The following RTTN variants were observed in gnomAD, a reference collection of about 807,000 sequenced individuals.
RTTN encodes rotatin.
A neutral mutation model predicts 269.2 loss-of-function variants in RTTN; 182 were observed. The ratio of observed to expected loss-of-function variants is 0.68; its 90% CI spans 0.60 to 0.76. The LOEUF (loss-of-function observed/expected upper bound fraction) is 0.76. Ranked by LOEUF, RTTN falls within the 30% of genes least tolerant of loss-of-function variation. RTTN has a pLI of 0.00. For synonymous variants in RTTN, 1,006 were observed against 963.5 expected (o/e 1.04, Z -0.82); for missense variants, 2,545 against 2,608.6 (o/e 0.98, Z 0.53).
At position 70,003,271 on chromosome 18, in the gene RTTN, T is replaced by A. The variant is rs749171032; in HGVS notation, c.*880A>T. The A allele has an allele frequency of 3.3e-5, 5 of 152,142 alleles. No individual in the cohort carries two copies. The highest frequency in any genetic ancestry group is 7.3e-5 in the Non-Finnish European group (5 of 68,080). 9.4% of individuals were successfully genotyped at this position (152,142 alleles called of 1,614,324 possible). A position where few individuals can be genotyped will look rare whatever the true frequency, so the allele number is the denominator to read the frequency against. On this transcript the variant is annotated 3_prime_UTR_variant, in exon 49 of 49. Coordinates refer to ENST00000640769, the MANE Select transcript of RTTN (RefSeq NM_173630.4). ...CCAAGCTGGTCTCAAACTCCTGGCC[T>A]CAAGTGATCCACCTACCTCGGTCTC...
At chr18:70,070,960 T>C (rs1236623092) in intron 34 of RTTN, among the ~76,000 whole-genome samples, 1 of 152,180 alleles carries the variant, frequency 6.6e-6, no homozygotes, top group African/African-American at 2.4e-5. Flanking sequence ...CCCATTTCAG[T>C]GGCCACTTCC....
chr18:70,051,015 C>G lies in RTTN; in HGVS notation c.5323+396G>C, dbSNP rs144075344. ...TCGGTTGATAGGTGCAGCAAACCACCATGGCACATGTATTCCTATGTAAAA... is the reference window on the plus strand; with the variant it reads ...TCGGTTGATAGGTGCAGCAAACCACGATGGCACATGTATTCCTATGTAAAA... On this transcript the variant is annotated intron_variant, in intron 39 of 48. Coordinates refer to ENST00000640769, the MANE Select transcript of RTTN (RefSeq NM_173630.4). 4.9e-3 allele frequency among the ~76,000 whole-genome samples: 749 copies of G among 152,206 alleles called. 5 individuals carry two copies. The highest frequency in any genetic ancestry group is 0.017 in the African/African-American group (702 of 41,522).
At chr18:70,185,599 A>G (rs73468411) in intron 10 of RTTN, among the ~76,000 whole-genome samples, 120 of 152,292 alleles carry the variant, frequency 7.9e-4, no homozygotes, top group African/African-American at 2.7e-3. Flanking sequence ...CATCCATCCA[A>G]CATTATACTA....
At chr18:70,205,036 C>T in intron 2 of RTTN, 92 bp downstream of exon 2, 2 of 1,310,096 alleles carry the variant, frequency 1.5e-6, no homozygotes, top group Non-Finnish European at 2.1e-6. Flanking sequence ...ACTTTTAACC[C>T]CAATTATTTA....
intron 44 of RTTN, 28 bp from the exon 45 acceptor site, chr18:70,020,845 T>C (rs761419891): frequency 1.3e-6 from 2 of 1,573,464 alleles, no homozygotes; most frequent in African/African-American, 2.7e-5. Flanking sequence ...TATCACAATG[T>C]CTTCTCAGTT....
At chr18:70,110,161 C>A (rs1204333493) in intron 27 of RTTN, among the ~76,000 whole-genome samples, 2 of 151,466 alleles carry the variant, frequency 1.3e-5, no homozygotes, top group Non-Finnish European at 2.9e-5. Flanking sequence ...AGCCCTGGAG[C>A]TTGAGGTTAC....
Position 70,134,524 on chromosome 18 carries a change from T to C in RTTN, c.2903A>G (p.Asn968Ser). 1.9e-6 allele frequency: 3 copies of C among 1,610,286 alleles called. No homozygotes were observed. The highest frequency in any genetic ancestry group is 1.7e-4 in the Middle Eastern group (1 of 6,046). ...RMDMWSVNPS[N>S]KPSLPSVFSL... ...GAAGACCGATGGCAAAGAAGGTTTATTGGAAGGATTAACAGACCTATTTCA... is the reference window on the plus strand; with the variant it reads ...GAAGACCGATGGCAAAGAAGGTTTACTGGAAGGATTAACAGACCTATTTCA... Residue 968 changes from asparagine to serine, a missense_variant, in exon 23 of 49, where the codon AAT (asparagine) becomes AGT (serine). Transcript: ENST00000640769.
At chr18:70,035,024 T>C (rs1282374895) in intron 40 of RTTN, among the ~76,000 whole-genome samples, 1 of 152,108 alleles carries the variant, frequency 6.6e-6, no homozygotes, top group Non-Finnish European at 1.5e-5. Context: ...GAAAGATCTC[T>C]ACAAGGAGAA....
chr18:70,152,932 T>C (rs1057072384), intron 14 of RTTN, among the ~76,000 whole-genome samples: 6 of 152,340 alleles, frequency 3.9e-5, no homozygotes, highest in African/African-American at 1.2e-4. Flanking sequence ...ATACAATTCA[T>C]AGCTTTATAA....
chr18:70,010,824 AATAG>A (rs774187985), intron 46 of RTTN, among the ~76,000 whole-genome samples: 3 of 152,192 alleles, frequency 2.0e-5, no homozygotes, highest in Non-Finnish European at 4.4e-5. Context: ...AGATTAACAA[AATAG>A]ATAGACCACT....
chr18:70,138,310 T>C (rs1270406060), intron 21 of RTTN: 1 of 152,118 alleles, frequency 6.6e-6, no homozygotes, highest in African/African-American at 2.4e-5. Context: ...AGTAAAATTT[T>C]TCCTGAAACT....
chr18:70,186,422 T>C (rs890796999), intron 10 of RTTN, among the ~76,000 whole-genome samples: 3 of 152,198 alleles, frequency 2.0e-5, no homozygotes, highest in Admixed American at 2.0e-4. Context: ...AAAACCTATC[T>C]ATGATGCCAA....
Position 70,091,536 on chromosome 18 carries a change from A to C in RTTN, c.4143+574T>G, listed in dbSNP as rs1218979934. On this transcript the variant is annotated intron_variant, in intron 30 of 48. Transcript: ENST00000640769. The stretch of plus-strand genomic sequence containing the variant: ...AGAAGGCAGCCGTCTACAAGCCAGA[A>C]GAAGAGCCCTCACCAGAACTTGACT... The C allele has an allele frequency of 2.6e-5, 4 of 152,478 alleles. No homozygotes were observed. The East Asian group carries it at 7.7e-4, about 29-fold the overall frequency. 9.4% of individuals were successfully genotyped at this position (152,478 alleles called of 1,614,324 possible). A position where few individuals can be genotyped will look rare whatever the true frequency, so the allele number is the denominator to read the frequency against.
chr18:70,061,081 T>C (rs1489496168), intron 35 of RTTN, among the ~76,000 whole-genome samples: 2 of 152,146 alleles, frequency 1.3e-5, no homozygotes, highest in Non-Finnish European at 2.9e-5. Flanking sequence ...ATCTCGTCGA[T>C]ATACTTTTTT....
intron 45 of RTTN, among the ~76,000 whole-genome samples, chr18:70,018,513 C>A (rs2056607732): frequency 6.6e-6 from 1 of 152,162 alleles, no homozygotes. Flanking sequence ...TAAATCTACT[C>A]CAGTTTATCT....
rs181334737 is a variant in RTTN, at chr18:70,179,538, C to T, written c.1306-2693G>A. Among the ~76,000 whole-genome samples the T allele has an allele frequency of 4.9e-3, 753 of 152,202 alleles. 5 individuals are homozygous for T. The highest frequency in any genetic ancestry group is 0.017 in the African/African-American group (721 of 41,518). On this transcript the variant is annotated intron_variant, in intron 10 of 48. Transcript: ENST00000640769. ...TTGAAAAACAATAGTAACTGGCCCA[C>T]ATTTTTTAATTCTTTGGGCTAAAGA... is the stretch of plus-strand genomic sequence containing the variant.
chr18:70,104,210 CT>C (rs1366073523), intron 28 of RTTN, among the ~76,000 whole-genome samples: 1 of 152,130 alleles, frequency 6.6e-6, no homozygotes, highest in African/African-American at 2.4e-5. Flanking sequence ...TTTCTCTAAA[CT>C]TCTCTTCTCG....
Position 70,145,596 on chromosome 18 carries a change from C to A in RTTN, c.2481+16G>T. ...TCAAATTACCACACAGTAATAAACT[C>A]AAAATTTATAGTCACCTTAATAACC... On this transcript the variant is annotated intron_variant, in intron 18 of 48. Coordinates refer to ENST00000640769, the MANE Select transcript of RTTN (RefSeq NM_173630.4). The A allele has an allele frequency of 6.4e-7, 1 of 1,562,838 alleles. No homozygotes were observed. The highest frequency in any genetic ancestry group is 2.3e-5 in the East Asian group (1 of 44,068).
Position 70,196,591 on chromosome 18 carries a change from G to C in RTTN, c.751C>G (p.Gln251Glu). ...AGCTGCTGCAGGCAGGACACCGACTGTAATGCCAGGCGATGCTTTCCATCT... is the reference window on the plus strand; with the variant it reads ...AGCTGCTGCAGGCAGGACACCGACTCTAATGCCAGGCGATGCTTTCCATCT... ...FGDGKHRLALQSVSCLQQLCM... is the reference protein window; with the variant it reads ...FGDGKHRLALESVSCLQQLCM... Residue 251 changes from glutamine (Q) to glutamate (E), a missense_variant, in exon 7 of 49, where the codon CAG (glutamine) becomes GAG (glutamate). Physicochemically the swap from Gln to Glu is conservative, Grantham distance 29. Transcript: ENST00000640769. 1 of 1,570,074 alleles carries C rather than the reference G, an allele frequency of 6.4e-7. No individual in the cohort carries two copies. Among genetic ancestry groups the C allele is most frequent in the Non-Finnish European group, 8.6e-7 (1 of 1,163,874 alleles).
Sources: gnomAD v4.1 joint callset for allele counts (sites outside exome capture counted in the v4.1 genomes callset) on GRCh38, gnomAD v4.1.1 for gene constraint, MANE v1.5 for transcripts, NCBI Gene and HGNC (gene_info 2026-07-23, HGNC 2026-07-21) for gene names.